The following PHF20L1 variants were observed in gnomAD, a reference collection of about 807,000 sequenced individuals.
PHF20L1 encodes the protein PHD finger protein 20-like protein 1.
PHF20L1 carries 44 observed loss-of-function variants against 125.5 expected under a neutral mutation model. The observed-to-expected ratio is 0.35, with a 90% CI of 0.28 to 0.45. The LOEUF (loss-of-function observed/expected upper bound fraction) is 0.45, where lower values mean the gene tolerates loss of function less well. Among genes scored for constraint, PHF20L1 ranks in the 20% least tolerant of loss-of-function variants. The pLI, the probability that PHF20L1 is intolerant of heterozygous loss-of-function variation, is 1.00. For synonymous variants in PHF20L1, 380 were observed against 403.1 expected (o/e 0.94, Z 0.69); for missense variants, 1,012 against 1,217.2 (o/e 0.83, Z 2.51).
At chr8:132,786,214 C>A (rs547295113) in intron 2 of PHF20L1, among the ~76,000 whole-genome samples, 1 of 151,968 alleles carries the variant, frequency 6.6e-6, no homozygotes, top group Non-Finnish European at 1.5e-5. Flanking sequence ...GAGTTTCAAA[C>A]GTGATGAAAG....
At chr8:132,776,564 C>G (rs1336337870) in intron 1 of PHF20L1, among the ~76,000 whole-genome samples, 1 of 152,174 alleles carries the variant, frequency 6.6e-6, no homozygotes, top group Non-Finnish European at 1.5e-5. Flanking sequence ...CCACTCTCCC[C>G]CTCCAACCAT....
intron 8 of PHF20L1, 44 bp from the exon 9 acceptor site, chr8:132,811,002 C>T: frequency 8.4e-7 from 1 of 1,192,716 alleles, no homozygotes; most frequent in South Asian, 1.2e-5. Flanking sequence ...GGGTGTAAAT[C>T]AGTATTTTTT....
intron 19 of PHF20L1, 64 bp from the exon 20 acceptor site, chr8:132,844,092 T>C (rs1587108995): frequency 2.5e-6 from 4 of 1,595,606 alleles, no homozygotes; most frequent in East Asian, 2.2e-5. Flanking sequence ...TCCTGTATCC[T>C]TAACTCAATG....
Position 132,795,659 on chromosome 8 carries a change from T to TA in PHF20L1, c.340+843dup, listed in dbSNP as rs900609158. ...AAGTTATTTCTTAAACTTGACCACT[T>TA]ACGGTAGTCCTTCCTTATCCACGGG... On this transcript the variant is annotated intron_variant, in intron 4 of 20. Coordinates refer to ENST00000395386, the MANE Select transcript of PHF20L1 (RefSeq NM_016018.5). Among the ~76,000 whole-genome samples, 7 of 152,214 alleles carry TA rather than the reference T, an allele frequency of 4.6e-5. No homozygotes were observed. The East Asian group carries it at 7.7e-4, about 17-fold the overall frequency.
chr8:132,775,410 GGCGGCGGCGGCGGCGATGGCA>G lies in PHF20L1; in HGVS notation c.-268_-248del. The G allele has an allele frequency of 2.6e-6, 1 of 382,998 alleles. No individual in the cohort carries two copies. The allele number at this position is 382,998 out of a possible 1,614,324, so 23.7% of individuals were successfully genotyped here. A position where few individuals can be genotyped will look rare whatever the true frequency, so the allele number is the denominator to read the frequency against. The stretch of plus-strand genomic sequence containing the variant: ...GTCAGGGCTGGCCGGCGGCGGAGGC[GGCGGCGGCGGCGGCGATGGCA>G]GCGGACCCTGAGCGAGCTTGAGGGC... On this transcript the variant is annotated 5_prime_UTR_variant, in exon 1 of 21. It removes an upstream start codon present in the reference 5' UTR. Coordinates refer to ENST00000395386, the MANE Select transcript of PHF20L1 (RefSeq NM_016018.5).
At chr8:132,812,063 T>G (rs1455012775) in intron 9 of PHF20L1, 1 of 983,278 alleles carries the variant, frequency 1.0e-6, no homozygotes, top group African/African-American at 1.7e-5. Context: ...AATGTTGTAT[T>G]AAATCAATGG....
rs748045815 is a variant in PHF20L1 at position 132,817,459 on chromosome 8, C to T, written c.1493C>T (p.Pro498Leu). 9.3e-6 allele frequency: 15 copies of T among 1,612,364 alleles called. No individual in the cohort carries two copies. In the South Asian group the frequency reaches 1.6e-4, roughly 18 times the overall value. ...GATTCCTCTTACCGTAATGAATGTC[C>T]CAGGGCAGAAAAAGAGGATACACAG... ...ASDSSYRNECPRAEKEDTQML... is the reference protein window; with the variant it reads ...ASDSSYRNECLRAEKEDTQML... Residue 498 changes from proline (P) to leucine (L), a missense_variant, in exon 12 of 21, where the codon CCC becomes CTC. This residue lies in a region of PHF20L1 where 320 missense variants were observed against 293.8 expected (regional missense o/e 1.09). Transcript: ENST00000395386.
chr8:132,805,726 CTG>C (rs562398538), intron 8 of PHF20L1, among the ~76,000 whole-genome samples: 29 of 152,026 alleles, frequency 1.9e-4, no homozygotes, highest in Admixed American at 1.7e-3. Context: ...AAAGGTGACT[CTG>C]GAGCTGAGGA....
rs79566628 is a variant in PHF20L1, at chr8:132,837,016, C to A, written c.2091+295C>A. Among the ~76,000 whole-genome samples the A allele has an allele frequency of 9.9e-5, 15 of 152,256 alleles. No homozygotes were observed. In the East Asian group the frequency reaches 1.7e-3, roughly 18 times the overall value. On this transcript the variant is annotated intron_variant, in intron 16 of 20. Transcript: ENST00000395386. ...CCTCACACGAAAGGGCAGGCTACAG[C>A]AACCTTTCTCTTCCTCATCTGCATT...
chr8:132,787,822 AG>A (rs1563784533), intron 2 of PHF20L1, among the ~76,000 whole-genome samples: 1 of 152,148 alleles, frequency 6.6e-6, no homozygotes, highest in Non-Finnish European at 1.5e-5. Flanking sequence ...AAACTTTTAA[AG>A]GGTAACTAGG....
intron 8 of PHF20L1, chr8:132,806,527 A>G (rs1053393265): frequency 2.0e-5 from 3 of 151,940 alleles, no homozygotes; most frequent in Admixed American, 6.6e-5. Flanking sequence ...TGATCTTTTT[A>G]TTTACTTAGA....
At chr8:132,835,010 CACTA>C (rs1306532931) in intron 15 of PHF20L1, among the ~76,000 whole-genome samples, 12 of 152,092 alleles carry the variant, frequency 7.9e-5, no homozygotes, top group African/African-American at 1.2e-4. Flanking sequence ...ATAGAGGAAA[CACTA>C]AATCATGTGA....
In PHF20L1 at chr8:132,825,359, T is replaced by A. The variant is rs781541564; in HGVS notation, c.1732T>A (p.Ser578Thr). ...QKKKKKKKKK[S>T]KQHDYSDYED... ...GAAGAAGAAAAAAAAGAAAAAGAAA[T>A]CTAAGCAACATGGTAAGTACACTGA... is the stretch of plus-strand genomic sequence containing the variant. Residue 578 changes from serine to threonine, a missense_variant, in exon 14 of 21, where the codon TCT becomes ACT. This residue lies in a region of PHF20L1 where 320 missense variants were observed against 293.8 expected (regional missense o/e 1.09). Coordinates refer to ENST00000395386, the MANE Select transcript of PHF20L1 (RefSeq NM_016018.5). 223 of 1,504,068 alleles carry A rather than the reference T, an allele frequency of 1.5e-4. 1 individual carries two copies. The African/African-American group carries it at 2.7e-3, about 18-fold the overall frequency. The allele number at this position is 1,504,068 out of a possible 1,614,324, so 93.2% of individuals were successfully genotyped here. A position where few individuals can be genotyped will look rare whatever the true frequency, so the allele number is the denominator to read the frequency against.
chr8:132,842,652 A>G lies in PHF20L1; in HGVS notation c.2525A>G (p.His842Arg), dbSNP rs1838049666. Residue 842 changes from histidine (H) to arginine (R), a missense_variant, in exon 19 of 21, where the codon CAT (histidine) becomes CGT (arginine). His to Arg is a conservative substitution (Grantham distance 29). This residue lies in a region of PHF20L1 where 277 missense variants were observed against 283.6 expected (regional missense o/e 0.98). Coordinates refer to ENST00000395386, the MANE Select transcript of PHF20L1 (RefSeq NM_016018.5). ...NREEKKYVQN[H>R]KEPPRLPLKM... ...GAAGAAAAGAAATATGTACAGAACCATAAAGAACCACCTCGTTTGCCCCTA... is the reference window on the plus strand; with the variant it reads ...GAAGAAAAGAAATATGTACAGAACCGTAAAGAACCACCTCGTTTGCCCCTA... The G allele has an allele frequency of 2.5e-6, 4 of 1,613,176 alleles. No homozygotes were observed. The highest frequency in any genetic ancestry group is 2.7e-5 in the African/African-American group (2 of 74,860).
chr8:132,775,557 C>A lies in PHF20L1; in HGVS notation c.-126C>A, dbSNP rs1327300205. 2.2e-5 allele frequency: 8 copies of A among 363,132 alleles called. No individual in the cohort carries two copies. The highest frequency in any genetic ancestry group is 3.9e-5 in the Non-Finnish European group (8 of 203,012). The allele number at this position is 363,132 out of a possible 1,614,324, so 22.5% of individuals were successfully genotyped here. A position where few individuals can be genotyped will look rare whatever the true frequency, so the allele number is the denominator to read the frequency against. On this transcript the variant is annotated 5_prime_UTR_variant, in exon 1 of 21. Transcript: ENST00000395386. ...TCCCCGGCCGCTGCCTGGGCGGAGG[C>A]AGAGGCAGAGGCCCGGGCTGGCCGC...
chr8:132,808,592 A>G (rs577124634), intron 8 of PHF20L1: 26 of 152,194 alleles, frequency 1.7e-4, no homozygotes, highest in African/African-American at 6.3e-4. Flanking sequence ...TGATTTTCTA[A>G]TTATTTTTAT....
At chr8:132,803,436 TA>T (rs1833320669) in intron 6 of PHF20L1, 1 of 163,780 alleles carries the variant, frequency 6.1e-6, no homozygotes, top group South Asian at 1.7e-4. Context: ...TCCCTTCTTT[TA>T]TAGTCCTTTG....
intron 14 of PHF20L1, chr8:132,826,810 G>A (rs1836234298): frequency 6.6e-6 from 1 of 151,818 alleles, no homozygotes; most frequent in Non-Finnish European, 1.5e-5. Context: ...CAGTACCTAA[G>A]TGTTTTGTGC....
intron 19 of PHF20L1, chr8:132,843,465 TTAACAAG>T (rs1838133612): frequency 1.0e-6 from 1 of 980,998 alleles, no homozygotes. Flanking sequence ...TCTGCATTCC[TTAACAAG>T]TAATTACCAT....
Sources: allele counts gnomAD v4.1 joint callset (sites outside exome capture counted in the v4.1 genomes callset), GRCh38; gene constraint gnomAD v4.1.1; regional missense constraint gnomAD v4.1.1; transcripts MANE v1.5; gene names NCBI Gene and HGNC (gene_info 2026-07-23, HGNC 2026-07-21).